DYRK1A: variants seen among roughly 807,000 people sequenced by gnomAD.
DYRK1A encodes the protein dual specificity tyrosine-phosphorylation-regulated kinase 1A.
In DYRK1A, 9 loss-of-function variants were observed where a neutral mutation model predicts 79.7. That is an observed-to-expected ratio of 0.11 (90% confidence interval 0.07 to 0.20). DYRK1A has a LOEUF of 0.20. Among genes scored for constraint, DYRK1A ranks in the 10% least tolerant of loss-of-function variants. The probability of loss-of-function intolerance (pLI) is 1.00; values close to 1 mark genes in which losing one functional copy is unlikely to be tolerated. For missense variants in DYRK1A, 622 were observed against 956.0 expected, an observed-to-expected ratio of 0.65 and a Z score of 4.61; for synonymous variants, 349 against 329.7, an observed-to-expected ratio of 1.06 and a Z score of -0.63.
At chr21:37,469,729 C>G (rs9984490) in intron 2 of DYRK1A, among the ~76,000 whole-genome samples, 2,664 of 152,212 alleles carry the variant, frequency 0.018, 34 homozygotes, top group Non-Finnish European at 0.028. Flanking sequence ...GAGGATAGCA[C>G]TAGGGGGGAT....
intron 5 of DYRK1A, among the ~76,000 whole-genome samples, chr21:37,485,544 T>G (rs2052828066): frequency 6.6e-6 from 1 of 152,228 alleles, no homozygotes; most frequent in South Asian, 2.1e-4. Flanking sequence ...TCCTGCACCT[T>G]GGAATCATTT....
chr21:37,456,121 A>C (rs965817690), intron 2 of DYRK1A: 1 of 152,192 alleles, frequency 6.6e-6, no homozygotes, highest in Middle Eastern at 3.4e-3. Context: ...TCTATATTCT[A>C]TTTTCCAGCC....
chr21:37,391,688 A>C lies in DYRK1A; in HGVS notation c.-77+24060A>C, dbSNP rs577757643. 5.3e-5 allele frequency among the ~76,000 whole-genome samples: 8 copies of C among 152,018 alleles called. No individual in the cohort carries two copies. The East Asian group carries it at 1.5e-3, about 29-fold the overall frequency. On this transcript the variant is annotated intron_variant, in intron 1 of 11. Coordinates refer to ENST00000647188, the MANE Select transcript of DYRK1A (RefSeq NM_001347721.2). ...TTCTCCTTTGTATGGAATGAAGACA[A>C]ATTTATTAAACTATTCAGATTCTCT...
At chr21:37,383,716 T>C (rs1248182038) in intron 1 of DYRK1A, among the ~76,000 whole-genome samples, 1 of 152,202 alleles carries the variant, frequency 6.6e-6, no homozygotes, top group Non-Finnish European at 1.5e-5. Flanking sequence ...GTCCCTGCAC[T>C]CACAGAGCTT....
chr21:37,501,164 T>TA (rs1374627326), intron 9 of DYRK1A, among the ~76,000 whole-genome samples: 1 of 145,022 alleles, frequency 6.9e-6, no homozygotes, highest in African/African-American at 2.6e-5. Context: ...TTGTTGTTGT[T>TA]GGTTTTTTTT....
Position 37,514,666 on chromosome 21 carries a change from A to C in DYRK1A, c.*2135A>C, listed in dbSNP as rs553815417. On this transcript the variant is annotated 3_prime_UTR_variant, in exon 12 of 12. Coordinates refer to ENST00000647188, the MANE Select transcript of DYRK1A (RefSeq NM_001347721.2). ...TTTTGTTGTTTATCAGGAAATCCAT[A>C]TTTATTTTGTAATTAACTGTCAAGC... is the stretch of plus-strand genomic sequence containing the variant. The C allele has an allele frequency of 6.6e-6, 1 of 152,580 alleles. No individual in the cohort carries two copies. Among genetic ancestry groups the C allele is most frequent in the South Asian group, 2.1e-4 (1 of 4,828 alleles). The allele number at this position is 152,580 out of a possible 1,614,324, so 9.5% of individuals were successfully genotyped here. A position where few individuals can be genotyped will look rare whatever the true frequency, so the allele number is the denominator to read the frequency against.
chr21:37,386,031 A>G (rs1218790615), intron 1 of DYRK1A, among the ~76,000 whole-genome samples: 1 of 152,142 alleles, frequency 6.6e-6, no homozygotes, highest in Non-Finnish European at 1.5e-5. Flanking sequence ...TACACATACC[A>G]CTAGCCAGTA....
Position 37,412,945 on chromosome 21 carries a change from A to G in DYRK1A, c.-76-7354A>G, listed in dbSNP as rs60789169. On this transcript the variant is annotated intron_variant, in intron 1 of 11. Coordinates refer to ENST00000647188, the MANE Select transcript of DYRK1A (RefSeq NM_001347721.2). Reference sequence around the variant, plus strand: ...TAGTTTGGAGTAAACCATTGAAAATACTTCTTTTGCAGGGAAAGATGTATA... The same window carrying G: ...TAGTTTGGAGTAAACCATTGAAAATGCTTCTTTTGCAGGGAAAGATGTATA... Among the ~76,000 whole-genome samples the G allele has an allele frequency of 4.5e-3, 683 of 152,332 alleles. 4 individuals are homozygous for G. Among genetic ancestry groups the G allele is most frequent in the African/African-American group, 0.015 (640 of 41,576 alleles).
chr21:37,440,448 T>C (rs2051068890), intron 2 of DYRK1A, among the ~76,000 whole-genome samples: 1 of 152,136 alleles, frequency 6.6e-6, no homozygotes, highest in African/African-American at 2.4e-5. Flanking sequence ...CATTTGCTCT[T>C]TTTCTAGTGT....
intron 6 of DYRK1A, chr21:37,487,763 T>C (rs995151485): frequency 6.6e-6 from 1 of 152,204 alleles, no homozygotes; most frequent in African/African-American, 2.4e-5. Context: ...ATTATTAAAA[T>C]ATAAAATGAG....
rs6517414 is a variant in DYRK1A, at chr21:37,409,664, C to T, written c.-76-10635C>T. 2.8e-3 allele frequency among the ~76,000 whole-genome samples: 427 copies of T among 152,042 alleles called. 2 individuals are homozygous for T. The highest frequency in any genetic ancestry group is 8.6e-3 in the African/African-American group (355 of 41,486). On this transcript the variant is annotated intron_variant, in intron 1 of 11. Coordinates refer to ENST00000647188, the MANE Select transcript of DYRK1A (RefSeq NM_001347721.2). ...AAGATGTATATATTTATAAAAATTG[C>T]GATACATTGAGAAGTATAATAAATT...
chr21:37,469,872 T>C (rs1186959596), intron 2 of DYRK1A, among the ~76,000 whole-genome samples: 1 of 152,144 alleles, frequency 6.6e-6, no homozygotes, highest in Non-Finnish European at 1.5e-5. Context: ...CCTGCTTATA[T>C]GAAAACATCA....
intron 7 of DYRK1A, among the ~76,000 whole-genome samples, chr21:37,492,311 T>G (rs2053123561): frequency 6.6e-6 from 1 of 152,234 alleles, no homozygotes; most frequent in Non-Finnish European, 1.5e-5. Flanking sequence ...TTAGGAAATT[T>G]AGTTAGGATT....
intron 2 of DYRK1A, among the ~76,000 whole-genome samples, chr21:37,446,040 A>T (rs75744124): frequency 6.6e-6 from 1 of 152,216 alleles, no homozygotes; most frequent in East Asian, 1.9e-4. Context: ...CCCTGCTTCT[A>T]AAACGGTAAA....
chr21:37,405,059 A>T (rs1213157747), intron 1 of DYRK1A, among the ~76,000 whole-genome samples: 1 of 152,140 alleles, frequency 6.6e-6, no homozygotes, highest in Non-Finnish European at 1.5e-5. Flanking sequence ...TGAGTGGTGG[A>T]GACAGTTTTC....
intron 6 of DYRK1A, chr21:37,487,760 A>T (rs772411678): frequency 2.0e-5 from 3 of 152,150 alleles, no homozygotes; most frequent in Non-Finnish European, 4.4e-5. Context: ...CTCATTATTA[A>T]AATATAAAAT....
intron 2 of DYRK1A, among the ~76,000 whole-genome samples, chr21:37,420,895 C>T (rs2050457708): frequency 1.3e-5 from 2 of 151,978 alleles, no homozygotes; most frequent in Admixed American, 1.3e-4. Context: ...TCTTCCCACC[C>T]TCCCCCTCTT....
chr21:37,445,343 T>C (rs1435514091), intron 2 of DYRK1A, among the ~76,000 whole-genome samples: 3 of 152,168 alleles, frequency 2.0e-5, no homozygotes, highest in Non-Finnish European at 2.9e-5. Context: ...TGTTTTCTGT[T>C]AGATGCCAGG....
chr21:37,367,131 G>T lies in DYRK1A; in HGVS notation c.-574G>T, dbSNP rs1167303907. On this transcript the variant is annotated 5_prime_UTR_variant, in exon 1 of 12. Coordinates refer to ENST00000647188, the MANE Select transcript of DYRK1A (RefSeq NM_001347721.2). Reference sequence around the variant, plus strand: ...GGCGATTGTGCGCGCGAGTGTGCGGGTGTGTGCGAGTGTCTGTCTGTCTGT... The same window carrying T: ...GGCGATTGTGCGCGCGAGTGTGCGGTTGTGTGCGAGTGTCTGTCTGTCTGT... 1 of 152,792 alleles carries T rather than the reference G, an allele frequency of 6.5e-6. No homozygotes were observed. Among genetic ancestry groups the T allele is most frequent in the Non-Finnish European group, 1.5e-5 (1 of 68,426 alleles). The allele number at this position is 152,792 out of a possible 1,614,324, so 9.5% of individuals were successfully genotyped here.
Sources: allele counts gnomAD v4.1 joint callset (sites outside exome capture counted in the v4.1 genomes callset), GRCh38; gene constraint gnomAD v4.1.1; transcripts MANE v1.5; gene names NCBI Gene and HGNC (gene_info 2026-07-23, HGNC 2026-07-21).